Variants in AOAH observed in about 807,000 individuals in gnomAD.
AOAH encodes acyloxyacyl hydrolase (neutrophil).
In AOAH, 64 loss-of-function variants were observed where a neutral mutation model predicts 92.2. The observed-to-expected ratio is 0.69, with a 90% CI of 0.57 to 0.86. AOAH has a LOEUF of 0.86. AOAH is among the 40% of genes least tolerant of loss of function. The pLI is 0.00. For synonymous variants in AOAH, 263 were observed against 254.5 expected, an observed-to-expected ratio of 1.03 and a Z score of -0.32; for missense variants, 656 against 694.6, an observed-to-expected ratio of 0.94 and a Z score of 0.62.
intron 1 of AOAH, among the ~76,000 whole-genome samples, chr7:36,707,073 A>G (rs1166309802): frequency 1.0e-5 from 1 of 99,812 alleles, no homozygotes; most frequent in African/African-American, 3.7e-5. Context: ...CCACTTGGCT[A>G]ACTGTTTGGC....
chr7:36,560,240 T>G (rs1479967162), intron 13 of AOAH, among the ~76,000 whole-genome samples: 1 of 152,244 alleles, frequency 6.6e-6, no homozygotes, highest in Non-Finnish European at 1.5e-5. Flanking sequence ...CATATGAATT[T>G]TAGAATAGTT....
chr7:36,623,344 G>A (rs1792423337), intron 6 of AOAH, 94 bp from the exon 7 acceptor site: 3 of 1,138,254 alleles, frequency 2.6e-6, no homozygotes, highest in Non-Finnish European at 3.9e-6. Context: ...ATACAGCTCT[G>A]TTGAGTTTAT....
rs1296103309 is a variant in AOAH at position 36,557,813 on chromosome 7, C to T, written c.1022-8338G>A. ...GCTTCTGCATTCTTCACGTAGTTCT[C>T]GAGCCTTGGCTTTCAGCTCCATCAG... On this transcript the variant is annotated intron_variant, in intron 13 of 20. Transcript: ENST00000617537. Among the ~76,000 whole-genome samples, 1,096 of 152,186 alleles carry T rather than the reference C, an allele frequency of 7.2e-3. 4 individuals carry two copies. Among genetic ancestry groups the T allele is most frequent in the Non-Finnish European group, 0.012 (816 of 67,982 alleles).
chr7:36,527,184 T>A (rs1030954152), intron 19 of AOAH, among the ~76,000 whole-genome samples: 4 of 152,194 alleles, frequency 2.6e-5, no homozygotes, highest in African/African-American at 9.6e-5. Flanking sequence ...TGAGTAATCA[T>A]CTTTCAGTGC....
At chr7:36,662,928 A>T (rs1795305438) in intron 3 of AOAH, among the ~76,000 whole-genome samples, 1 of 152,178 alleles carries the variant, frequency 6.6e-6, no homozygotes, top group Non-Finnish European at 1.5e-5. Flanking sequence ...GAAAATGCTG[A>T]ACCCCATAAA....
intron 4 of AOAH, among the ~76,000 whole-genome samples, chr7:36,652,724 G>T (rs548242604): frequency 6.6e-6 from 1 of 152,166 alleles, no homozygotes; most frequent in Non-Finnish European, 1.5e-5. Flanking sequence ...CCAAGATGAA[G>T]ACATCAAACA....
At chr7:36,716,760 G>T (rs1356314043) in intron 1 of AOAH, among the ~76,000 whole-genome samples, 1 of 150,746 alleles carries the variant, frequency 6.6e-6, no homozygotes, top group East Asian at 2.0e-4. Context: ...AATCATAGGT[G>T]GGAATTGAAC....
chr7:36,640,708 C>T (rs1793841258), intron 4 of AOAH, among the ~76,000 whole-genome samples: 1 of 152,134 alleles, frequency 6.6e-6, no homozygotes. Context: ...GCTGCCTTTG[C>T]AGGTACTCTA....
chr7:36,705,243 G>A (rs900097638), intron 1 of AOAH, among the ~76,000 whole-genome samples: 14 of 152,184 alleles, frequency 9.2e-5, no homozygotes, highest in African/African-American at 2.4e-4. Context: ...AAACCCCATC[G>A]TCTCAGCCCA....
chr7:36,701,145 C>T (rs1474990734), intron 1 of AOAH, among the ~76,000 whole-genome samples: 1 of 151,710 alleles, frequency 6.6e-6, no homozygotes, highest in African/African-American at 2.4e-5. Flanking sequence ...TTGTTGATTT[C>T]TAATTTAATT....
intron 9 of AOAH, 67 bp from the exon 10 acceptor site, chr7:36,618,412 C>T: frequency 7.0e-7 from 1 of 1,436,656 alleles, no homozygotes; most frequent in Non-Finnish European, 9.8e-7. Flanking sequence ...TACTAAAGCT[C>T]TCCTAAATGG....
At position 36,516,541 on chromosome 7, in the gene AOAH, G is replaced by T. The variant is rs138362017; in HGVS notation, c.1600-3161C>A. 6.6e-6 allele frequency among the ~76,000 whole-genome samples: 1 copy of T among 152,150 alleles called. No homozygotes were observed. The highest frequency in any genetic ancestry group is 1.5e-5 in the Non-Finnish European group (1 of 67,994). On this transcript the variant is annotated intron_variant, in intron 20 of 20. Coordinates refer to ENST00000617537, the MANE Select transcript of AOAH (RefSeq NM_001637.4). This position sits in a 1 kb window ranked among gnomAD's most constrained non-coding sequence, Gnocchi z 5.0. Reference sequence around the variant, plus strand: ...ATATACTTCTTTGCACTTAAAAGCAGGAGCATGTCAAAGGCTGCCTGCGAA... The same window carrying T: ...ATATACTTCTTTGCACTTAAAAGCATGAGCATGTCAAAGGCTGCCTGCGAA...
intron 16 of AOAH, among the ~76,000 whole-genome samples, chr7:36,536,372 TC>T (rs1483029719): frequency 6.6e-6 from 1 of 151,968 alleles, no homozygotes; most frequent in African/African-American, 2.4e-5. Context: ...CTCACCCTCT[TC>T]CCCCTACTTT....
chr7:36,611,521 G>T (rs1791456562), intron 11 of AOAH, among the ~76,000 whole-genome samples: 1 of 152,202 alleles, frequency 6.6e-6, no homozygotes. Context: ...TCTAGGATGG[G>T]GCCGGCTGCT....
rs191951475 is a variant in AOAH at position 36,529,890 on chromosome 7, C to G, written c.1522+528G>C. Among the ~76,000 whole-genome samples the G allele has an allele frequency of 7.2e-4, 109 of 152,330 alleles. 1 individual carries two copies. Among genetic ancestry groups the G allele is most frequent in the Non-Finnish European group, 1.2e-3 (82 of 68,040 alleles). On this transcript the variant is annotated intron_variant, in intron 19 of 20. Transcript: ENST00000617537. ...GCTAAAAAAGCAACTTAGTAATATT[C>G]CTTCCAGAAAGTTGGGACATGGGTT...
intron 4 of AOAH, among the ~76,000 whole-genome samples, chr7:36,638,606 C>G (rs73689503): frequency 0.03 from 4,623 of 152,078 alleles, 234 homozygotes; most frequent in African/African-American, 0.11. Context: ...TAACCCTGGG[C>G]TGGGTGGGGA....
In AOAH at chr7:36,516,469, C is replaced by CCACA. The variant is rs60180758; in HGVS notation, c.1600-3093_1600-3090dup. 1.2e-3 allele frequency among the ~76,000 whole-genome samples: 105 copies of CCACA among 88,334 alleles called. 6 individuals carry two copies. The highest frequency in any genetic ancestry group is 3.2e-3 in the African/African-American group (88 of 27,306). The allele number at this position is 88,334 out of a possible 152,430, so 58.0% of individuals were successfully genotyped here. A position where few individuals can be genotyped will look rare whatever the true frequency, so the allele number is the denominator to read the frequency against. On this transcript the variant is annotated intron_variant, in intron 20 of 20. Transcript: ENST00000617537. The surrounding 1 kb of genome is among the most constrained non-coding windows in gnomAD (Gnocchi z 5.0). Reference sequence around the variant, plus strand: ...CACACACACAGAAAGTGCACGGATACCACACACACACACACACAGAAAGCG... The same window carrying CCACA: ...CACACACACAGAAAGTGCACGGATACCACACACACACACACACACACAGAAAGCG...
At chr7:36,602,875 A>C (rs1005589492) in intron 11 of AOAH, among the ~76,000 whole-genome samples, 2 of 152,138 alleles carry the variant, frequency 1.3e-5, no homozygotes, top group African/African-American at 4.8e-5. Context: ...GTTCCCCATG[A>C]CCGTGATCAT....
At chr7:36,569,968 A>G (rs980196282) in intron 13 of AOAH, among the ~76,000 whole-genome samples, 2 of 151,954 alleles carry the variant, frequency 1.3e-5, no homozygotes, top group African/African-American at 2.4e-5. Context: ...TCTACTCTTG[A>G]TTTTATTTTT....
Sources: allele counts gnomAD v4.1 joint callset (sites outside exome capture counted in the v4.1 genomes callset), GRCh38; gene constraint gnomAD v4.1.1; non-coding constraint Gnocchi (gnomAD v3.1); transcripts MANE v1.5; gene names NCBI Gene and HGNC (gene_info 2026-07-23, HGNC 2026-07-21).